Variants in ATP8B4 observed in about 807,000 individuals in gnomAD.
The protein encoded by ATP8B4 is ATPase phospholipid transporting 8B4 (putative), also known as probable phospholipid-transporting ATPase IM.
A neutral mutation model predicts 145.6 loss-of-function variants in ATP8B4; 133 were observed. That is an observed-to-expected ratio of 0.91 (90% confidence interval 0.79 to 1.05). The LOEUF (loss-of-function observed/expected upper bound fraction) is 1.05. Among genes scored for constraint, ATP8B4 ranks in the 50% least tolerant of loss-of-function variants. The pLI, the probability that ATP8B4 is intolerant of heterozygous loss-of-function variation, is 0.00. For synonymous variants in ATP8B4, 507 were observed against 492.9 expected, an observed-to-expected ratio of 1.03 and a Z score of -0.38; for missense variants, 1,458 against 1,425.2, an observed-to-expected ratio of 1.02 and a Z score of -0.37.
At chr15:50,019,454 A>G (rs2049355221) in intron 6 of ATP8B4, among the ~76,000 whole-genome samples, 1 of 152,218 alleles carries the variant, frequency 6.6e-6, no homozygotes, top group Admixed American at 6.5e-5. Flanking sequence ...CTTTCATGAC[A>G]TTTTTTACTT....
chr15:50,104,932 G>T (rs62021719), intron 2 of ATP8B4, among the ~76,000 whole-genome samples: 1 of 150,290 alleles, frequency 6.7e-6, no homozygotes, highest in Non-Finnish European at 1.5e-5. Flanking sequence ...AAGAATGAAC[G>T]AAATAATGGC....
intron 5 of ATP8B4, among the ~76,000 whole-genome samples, chr15:50,043,049 A>T (rs2051426828): frequency 6.6e-6 from 1 of 152,248 alleles, no homozygotes; most frequent in African/African-American, 2.4e-5. Context: ...TATGCTGTCT[A>T]CAAGAAAACC....
At chr15:49,942,535 GA>G (rs2153478587) in intron 14 of ATP8B4, among the ~76,000 whole-genome samples, 1 of 152,012 alleles carries the variant, frequency 6.6e-6, no homozygotes. Flanking sequence ...GGGTAAAAAA[GA>G]AACTACAGAA....
intron 3 of ATP8B4, among the ~76,000 whole-genome samples, chr15:50,052,575 A>G (rs533874369): frequency 4.7e-4 from 72 of 152,348 alleles, no homozygotes; most frequent in African/African-American, 1.7e-3. Flanking sequence ...TTCCTCCAAG[A>G]TTGGCCCATC....
In ATP8B4 at chr15:50,107,938, GACCAT is replaced by G. The variant is rs566626081; in HGVS notation, c.-42-935_-42-931del. ...TCCCCGAGAAGTCTAAAAAGCCTGA[GACCAT>G]CATTTCTTCCTTTTCTGGCCCCTGG... On this transcript the variant is annotated intron_variant, in intron 1 of 27. Coordinates refer to ENST00000284509, the MANE Select transcript of ATP8B4 (RefSeq NM_024837.4). Among the ~76,000 whole-genome samples, 833 of 152,186 alleles carry G rather than the reference GACCAT, an allele frequency of 5.5e-3. 6 individuals carry two copies. Among genetic ancestry groups the G allele is most frequent in the African/African-American group, 0.019 (795 of 41,534 alleles).
intron 14 of ATP8B4, among the ~76,000 whole-genome samples, chr15:49,938,209 T>TAAA (rs1320729697): frequency 1.4e-4 from 21 of 152,296 alleles, no homozygotes; most frequent in African/African-American, 4.8e-4. Context: ...TTACAGGCCG[T>TAAA]GTAGAACTAC....
At chr15:50,154,682 T>C (rs2044389691) in intron 1 of ATP8B4, among the ~76,000 whole-genome samples, 1 of 148,504 alleles carries the variant, frequency 6.7e-6, no homozygotes, top group African/African-American at 2.5e-5. Context: ...TATTCAGCAA[T>C]TTTTTTTTTT....
At chr15:49,949,310 T>C (rs909125307) in intron 14 of ATP8B4, among the ~76,000 whole-genome samples, 1 of 152,226 alleles carries the variant, frequency 6.6e-6, no homozygotes, top group Non-Finnish European at 1.5e-5. Context: ...GCATGGAATG[T>C]TTTCCCATTT....
At position 49,931,243 on chromosome 15, in the gene ATP8B4, A is replaced by C. The variant is rs769625113; in HGVS notation, c.1518T>G (p.Phe506Leu). ...EGALVTAARN[F>L]GFIFKSRTPE... is the part of the protein sequence containing the mutation. ...GGGTCCGGGATTTAAAAATGAACCCAAAATTTCTAGCGGCAGTCACTAGAG... is the reference window on the plus strand; with the variant it reads ...GGGTCCGGGATTTAAAAATGAACCCCAAATTTCTAGCGGCAGTCACTAGAG... The change falls in exon 16 of 28, where the codon TTT becomes TTG. Residue 506 changes from phenylalanine to leucine, a missense_variant. By Grantham distance (22) the Phe-to-Leu change is conservative. Transcript: ENST00000284509. 1.2e-5 allele frequency: 20 copies of C among 1,612,878 alleles called. No individual in the cohort carries two copies. The South Asian group carries it at 1.6e-4, about 13-fold the overall frequency.
At chr15:49,912,297 A>G (rs1337793448) in intron 20 of ATP8B4, among the ~76,000 whole-genome samples, 1 of 152,148 alleles carries the variant, frequency 6.6e-6, no homozygotes, top group African/African-American at 2.4e-5. Context: ...CCAAGAAAAA[A>G]AGAGAGAGGA....
chr15:50,107,607 T>G (rs1434943921), intron 1 of ATP8B4, among the ~76,000 whole-genome samples: 1 of 152,148 alleles, frequency 6.6e-6, no homozygotes, highest in Non-Finnish European at 1.5e-5. Flanking sequence ...GAATGATAAA[T>G]GAAGGAGCAA....
chr15:49,897,243 T>C, intron 23 of ATP8B4, 49 bp downstream of exon 23: 1 of 1,506,156 alleles, frequency 6.6e-7, no homozygotes, highest in African/African-American at 1.4e-5. Flanking sequence ...TGTAATATCA[T>C]ACAAAAACAA....
intron 6 of ATP8B4, among the ~76,000 whole-genome samples, chr15:50,036,313 T>G (rs1359652750): frequency 6.6e-6 from 1 of 152,148 alleles, no homozygotes; most frequent in African/African-American, 2.4e-5. Flanking sequence ...AAGTTACACC[T>G]CAGTGTTTGT....
intron 12 of ATP8B4, among the ~76,000 whole-genome samples, chr15:49,975,099 T>G (rs1330067762): frequency 6.6e-6 from 1 of 152,208 alleles, no homozygotes; most frequent in African/African-American, 2.4e-5. Context: ...ATCAATGTAT[T>G]AATTTTTCTA....
intron 11 of ATP8B4, 33 bp from the exon 12 acceptor site, chr15:49,979,846 C>T (rs1441564862): frequency 6.9e-6 from 10 of 1,439,916 alleles, no homozygotes; most frequent in Non-Finnish European, 8.5e-6. Flanking sequence ...TTAAGGTTAA[C>T]TTGAACTCAA....
chr15:49,884,688 A>T (rs1056054130), intron 23 of ATP8B4, among the ~76,000 whole-genome samples: 1 of 151,964 alleles, frequency 6.6e-6, no homozygotes, highest in Admixed American at 6.5e-5. Flanking sequence ...GAGAGCATAC[A>T]CAATTTTATA....
intron 13 of ATP8B4, among the ~76,000 whole-genome samples, chr15:49,964,241 G>A (rs2044335627): frequency 1.3e-5 from 2 of 151,946 alleles, no homozygotes; most frequent in African/African-American, 4.8e-5. Context: ...ATCTGGCCTA[G>A]CACCTGGAAT....
intron 14 of ATP8B4, among the ~76,000 whole-genome samples, chr15:49,956,514 T>G (rs1281689379): frequency 2.0e-4 from 30 of 152,188 alleles, no homozygotes; most frequent in Admixed American, 1.9e-3. Context: ...ATAGACAAAC[T>G]GTCATTCAAA....
At chr15:50,085,037 T>C (rs1218581807) in intron 2 of ATP8B4, among the ~76,000 whole-genome samples, 1 of 152,116 alleles carries the variant, frequency 6.6e-6, no homozygotes, top group African/African-American at 2.4e-5. Flanking sequence ...GTCTTATCTC[T>C]CTCTCCTACT....
Sources: gnomAD v4.1 joint callset for allele counts (sites outside exome capture counted in the v4.1 genomes callset) on GRCh38, gnomAD v4.1.1 for gene constraint, MANE v1.5 for transcripts, NCBI Gene and HGNC (gene_info 2026-07-23, HGNC 2026-07-21) for gene names.